SAMD12: variants seen among roughly 807,000 people sequenced by gnomAD.
The protein encoded by SAMD12 is sterile alpha motif domain containing 12.
In SAMD12, 9 loss-of-function variants were observed where a neutral mutation model predicts 15.0. That is an observed-to-expected ratio of 0.60 (90% CI 0.36 to 1.05). The LOEUF is 1.05. Ranked by LOEUF, SAMD12 falls within the 50% of genes least tolerant of loss-of-function variation. The probability of loss-of-function intolerance (pLI) is 0.01; values close to 1 mark genes in which losing one functional copy is unlikely to be tolerated. For missense variants in SAMD12, 230 were observed against 234.2 expected (o/e 0.98, Z 0.12); for synonymous variants, 86 against 90.1 (o/e 0.96, Z 0.25).
intron 1 of SAMD12, among the ~76,000 whole-genome samples, chr8:118,586,332 C>T (rs1426210564): frequency 6.6e-6 from 1 of 151,110 alleles, no homozygotes; most frequent in Non-Finnish European, 1.5e-5. Context: ...AACACTTCTC[C>T]TCTTTTTCTT....
chr8:118,474,550 T>C (rs979955275), intron 2 of SAMD12, among the ~76,000 whole-genome samples: 32 of 151,782 alleles, frequency 2.1e-4, no homozygotes, highest in Non-Finnish European at 3.2e-4. Flanking sequence ...CCAGCTATTT[T>C]TTTTTTTTGT....
At chr8:118,353,315 T>G (rs1818054861) in intron 4 of SAMD12, among the ~76,000 whole-genome samples, 1 of 151,132 alleles carries the variant, frequency 6.6e-6, no homozygotes, top group African/African-American at 2.4e-5. Context: ...AACTTAATGT[T>G]TGTGCCCCAC....
At chr8:118,438,894 G>A (rs1271506004) in intron 3 of SAMD12, among the ~76,000 whole-genome samples, 1 of 152,152 alleles carries the variant, frequency 6.6e-6, no homozygotes, top group Non-Finnish European at 1.5e-5. Flanking sequence ...CCCCCTTGAA[G>A]CCACACAGTT....
chr8:118,445,674 A>G (rs1407351263), intron 2 of SAMD12, among the ~76,000 whole-genome samples: 2 of 152,230 alleles, frequency 1.3e-5, no homozygotes, highest in Non-Finnish European at 2.9e-5. Flanking sequence ...CAGTAGAATA[A>G]TTAAATGCGT....
chr8:118,582,385 C>T (rs967848695), intron 1 of SAMD12, among the ~76,000 whole-genome samples: 1 of 152,060 alleles, frequency 6.6e-6, no homozygotes, highest in Non-Finnish European at 1.5e-5. Flanking sequence ...ATCAGCAAAT[C>T]CAACAGCTCT....
the SAMD12 span, among the ~76,000 whole-genome samples, chr8:118,143,367 C>T: frequency 8.5e-5 from 13 of 152,184 alleles, no homozygotes; most frequent in South Asian, 2.3e-3. Context: ...ATTTTTGAAG[C>T]CAGATAAACC....
At chr8:118,308,471 A>G (rs538686636) in intron 4 of SAMD12, among the ~76,000 whole-genome samples, 268 of 152,288 alleles carry the variant, frequency 1.8e-3, no homozygotes, top group African/African-American at 6.2e-3. Context: ...CAGGGAGGAA[A>G]ATGAATTTCA....
At chr8:118,586,344 CTTTT>C (rs869191799) in intron 1 of SAMD12, among the ~76,000 whole-genome samples, 3 of 139,890 alleles carry the variant, frequency 2.1e-5, no homozygotes. Flanking sequence ...CTTTTTCTTT[CTTTT>C]TTTTTTTTTT....
intron 2 of SAMD12, among the ~76,000 whole-genome samples, chr8:118,441,880 G>A (rs541672637): frequency 6.6e-6 from 1 of 152,290 alleles, no homozygotes; most frequent in East Asian, 1.9e-4. Context: ...ACCATGTTGT[G>A]AGGAAGCCCA....
chr8:118,338,138 C>G (rs1220883255), intron 4 of SAMD12, among the ~76,000 whole-genome samples: 1 of 152,174 alleles, frequency 6.6e-6, no homozygotes, highest in East Asian at 1.9e-4. Context: ...ATCAGGATAG[C>G]AGATCACACA....
chr8:118,204,200 C>CTTAA (rs34434714), intron 4 of SAMD12, among the ~76,000 whole-genome samples: 105,929 of 150,640 alleles, frequency 0.7, 39,110 homozygotes, highest in Non-Finnish European at 0.83. Flanking sequence ...GAGAGGTATG[C>CTTAA]TTAATTAATT....
chr8:118,149,700 G>GT, the SAMD12 span, among the ~76,000 whole-genome samples: 1 of 152,044 alleles, frequency 6.6e-6, no homozygotes, highest in Non-Finnish European at 1.5e-5. Flanking sequence ...AGTTTTTATA[G>GT]TTTTAAGTTC....
intron 4 of SAMD12, among the ~76,000 whole-genome samples, chr8:118,311,142 G>A (rs7823689): frequency 0.48 from 72,893 of 152,162 alleles, 20,065 homozygotes; most frequent in African/African-American, 0.77. Context: ...CTGATACAGA[G>A]CCTAGTAGCT....
At chr8:118,333,258 T>G (rs1313205425) in intron 4 of SAMD12, among the ~76,000 whole-genome samples, 1 of 152,104 alleles carries the variant, frequency 6.6e-6, no homozygotes, top group Non-Finnish European at 1.5e-5. Flanking sequence ...CTGTGCACAG[T>G]TGAGATTTTT....
the SAMD12 span, among the ~76,000 whole-genome samples, chr8:118,152,941 A>G: frequency 6.6e-6 from 1 of 152,262 alleles, no homozygotes; most frequent in Non-Finnish European, 1.5e-5. Flanking sequence ...CTGAAAGTCC[A>G]TGAAGTGTTA....
At chr8:118,358,147 G>GAAAAC (rs922550095) in intron 4 of SAMD12, among the ~76,000 whole-genome samples, 5 of 145,098 alleles carry the variant, frequency 3.4e-5, no homozygotes, top group Admixed American at 6.9e-5. Flanking sequence ...CCTGTCTTCT[G>GAAAAC]AAAACAAAAC....
At chr8:118,359,225 G>C (rs2130630403) in intron 4 of SAMD12, among the ~76,000 whole-genome samples, 2 of 152,234 alleles carry the variant, frequency 1.3e-5, no homozygotes, top group South Asian at 4.2e-4. Context: ...AATATGACTT[G>C]GGTCTAACAC....
intron 1 of SAMD12, among the ~76,000 whole-genome samples, chr8:118,605,472 G>T (rs761862908): frequency 1.6e-4 from 25 of 152,104 alleles, no homozygotes; most frequent in Non-Finnish European, 3.7e-4. Context: ...TAACTATGGG[G>T]TATGTCAGAG....
chr8:118,158,761 C>A, the SAMD12 span, among the ~76,000 whole-genome samples: 3 of 152,122 alleles, frequency 2.0e-5, no homozygotes, highest in East Asian at 1.9e-4. Flanking sequence ...GCCCATAAAA[C>A]CACCAGACTC....
Sources: allele counts gnomAD v4.1 joint callset (sites outside exome capture counted in the v4.1 genomes callset), GRCh38; gene constraint gnomAD v4.1.1; transcripts MANE v1.5; gene names NCBI Gene and HGNC (gene_info 2026-07-23, HGNC 2026-07-21).